WDR70: variants seen among roughly 807,000 people sequenced by gnomAD.
WDR70 encodes the protein WD repeat domain 70.
Under a neutral mutation model 88.6 loss-of-function variants are expected in WDR70, and 53 were observed. The observed-to-expected ratio is 0.60, with a 90% CI of 0.48 to 0.75. The LOEUF (loss-of-function observed/expected upper bound fraction) is 0.75, where lower values mean the gene tolerates loss of function less well. WDR70 is among the 30% of genes least tolerant of loss of function. The probability of loss-of-function intolerance (pLI) is 0.00; values close to 1 mark genes in which losing one functional copy is unlikely to be tolerated. For synonymous variants in WDR70, 280 were observed against 270.0 expected, an observed-to-expected ratio of 1.04 and a Z score of -0.36; for missense variants, 610 against 823.2, an observed-to-expected ratio of 0.74 and a Z score of 3.17.
intron 7 of WDR70, among the ~76,000 whole-genome samples, chr5:37,475,604 A>G (rs1163562701): frequency 6.6e-6 from 1 of 152,144 alleles, no homozygotes. Flanking sequence ...TATTTTAGTA[A>G]GTCTTTGTGA....
chr5:37,593,809 CTGT>C (rs1743612378), intron 9 of WDR70, among the ~76,000 whole-genome samples: 1 of 152,222 alleles, frequency 6.6e-6, no homozygotes, highest in Non-Finnish European at 1.5e-5. Flanking sequence ...TCTCCAGCAT[CTGT>C]TGTTTCCTGA....
At chr5:37,439,576 T>G (rs1750587863) in intron 6 of WDR70, among the ~76,000 whole-genome samples, 2 of 151,646 alleles carry the variant, frequency 1.3e-5, no homozygotes, top group Non-Finnish European at 1.5e-5. Flanking sequence ...CAGTATGTTT[T>G]ACACATTGAA....
chr5:37,489,721 G>A (rs1257472169), intron 8 of WDR70, among the ~76,000 whole-genome samples: 1 of 152,034 alleles, frequency 6.6e-6, no homozygotes, highest in Non-Finnish European at 1.5e-5. Flanking sequence ...GTGTGGTAGG[G>A]CACTTGGTTG....
rs117138234 is a variant in WDR70, at chr5:37,395,577, G to A, written c.297-798G>A. Among the ~76,000 whole-genome samples the A allele has an allele frequency of 3.2e-4, 48 of 152,244 alleles. 1 individual carries two copies. The East Asian group carries it at 7.5e-3, about 24-fold the overall frequency. On this transcript the variant is annotated intron_variant, in intron 4 of 17. Transcript: ENST00000265107. ...GCAATGTAGGAAACTTGGATTAGCC[G>A]TTAGAAATAACTTGTATTTCAGAAA...
intron 9 of WDR70, among the ~76,000 whole-genome samples, chr5:37,598,747 A>G (rs1211270178): frequency 6.6e-6 from 1 of 152,246 alleles, no homozygotes; most frequent in Non-Finnish European, 1.5e-5. Context: ...TTTATGCTGA[A>G]GAACACATAT....
At chr5:37,476,231 T>A (rs1389452510) in intron 7 of WDR70, among the ~76,000 whole-genome samples, 2 of 152,206 alleles carry the variant, frequency 1.3e-5, no homozygotes, top group Non-Finnish European at 2.9e-5. Context: ...TAGTCGTTAG[T>A]CTAAAGATTA....
intron 7 of WDR70, among the ~76,000 whole-genome samples, chr5:37,477,861 T>C (rs189635235): frequency 1.6e-4 from 24 of 152,302 alleles, no homozygotes; most frequent in African/African-American, 5.5e-4. Context: ...CTCACCTGAT[T>C]GAGTTAATGT....
chr5:37,747,038 C>T (rs749453714), intron 17 of WDR70, among the ~76,000 whole-genome samples: 2 of 152,086 alleles, frequency 1.3e-5, no homozygotes, highest in African/African-American at 2.4e-5. Context: ...ACTGCCAAAC[C>T]GAACCCAGCA....
Position 37,611,781 on chromosome 5 carries a change from CTTT to C in WDR70, c.1092+6556_1092+6558del, listed in dbSNP as rs66689730. Among the ~76,000 whole-genome samples, 587 of 126,832 alleles carry C rather than the reference CTTT, an allele frequency of 4.6e-3. 8 individuals are homozygous for C. The highest frequency in any genetic ancestry group is 0.013 in the African/African-American group (474 of 35,648). 83.2% of individuals were successfully genotyped at this position (126,832 alleles called of 152,430 possible). The stretch of plus-strand genomic sequence containing the variant: ...CCTTTGAGATTATTTTGATTTCAGC[CTTT>C]TTTTTTTTTTTTAAAAAAAAACTTC... On this transcript the variant is annotated intron_variant, in intron 10 of 17. Transcript: ENST00000265107.
intron 10 of WDR70, among the ~76,000 whole-genome samples, chr5:37,670,843 T>C (rs893780577): frequency 5.3e-5 from 8 of 152,230 alleles, no homozygotes; most frequent in Non-Finnish European, 7.3e-5. Context: ...GTCTTTATTT[T>C]GTTCACTGCT....
At chr5:37,417,698 C>T (rs1265100893) in intron 5 of WDR70, among the ~76,000 whole-genome samples, 3 of 152,190 alleles carry the variant, frequency 2.0e-5, no homozygotes, top group African/African-American at 4.8e-5. Context: ...ACCCCCATGC[C>T]GAGCTAATTA....
At chr5:37,736,828 A>G (rs1748319334) in intron 17 of WDR70, among the ~76,000 whole-genome samples, 2 of 152,026 alleles carry the variant, frequency 1.3e-5, no homozygotes, top group Non-Finnish European at 1.5e-5. Flanking sequence ...AATAGTACAA[A>G]AGTAATTATG....
intron 8 of WDR70, among the ~76,000 whole-genome samples, chr5:37,497,401 C>G (rs1325946053): frequency 2.6e-5 from 2 of 78,258 alleles, no homozygotes; most frequent in Non-Finnish European, 3.0e-5. Flanking sequence ...CCTCCCTTTC[C>G]TTCCCCTCCC....
At chr5:37,487,341 T>C (rs958071600) in intron 8 of WDR70, among the ~76,000 whole-genome samples, 1 of 152,000 alleles carries the variant, frequency 6.6e-6, no homozygotes, top group African/African-American at 2.4e-5. Context: ...TTGAAAGTAG[T>C]AGATTTCATA....
chr5:37,673,304 G>A (rs994705520), intron 10 of WDR70, among the ~76,000 whole-genome samples: 2 of 152,080 alleles, frequency 1.3e-5, no homozygotes, highest in Non-Finnish European at 2.9e-5. Flanking sequence ...GTCTACTATT[G>A]ATGAGCTTTT....
intron 9 of WDR70, among the ~76,000 whole-genome samples, chr5:37,598,636 T>C (rs2112463284): frequency 6.6e-6 from 1 of 152,354 alleles, no homozygotes; most frequent in South Asian, 2.1e-4. Flanking sequence ...CAGCATCTGA[T>C]AGTGACCAAT....
chr5:37,551,770 T>G (rs1470264802), intron 9 of WDR70, among the ~76,000 whole-genome samples: 796 of 26,962 alleles, frequency 0.03, 15 homozygotes, highest in South Asian at 0.046. Flanking sequence ...ATTGTTTAGT[T>G]TTTTTTTTTT....
intron 10 of WDR70, among the ~76,000 whole-genome samples, chr5:37,689,602 A>G (rs535974460): frequency 2.7e-4 from 41 of 152,354 alleles, no homozygotes; most frequent in Non-Finnish European, 5.6e-4. Flanking sequence ...ACTCCAACAG[A>G]CCTGCAGCTG....
intron 7 of WDR70, among the ~76,000 whole-genome samples, chr5:37,472,725 C>T (rs1255680752): frequency 6.6e-6 from 1 of 152,012 alleles, no homozygotes; most frequent in African/African-American, 2.4e-5. Context: ...TCTCAAACTC[C>T]TGGCCTCAAG....
Sources: allele counts gnomAD v4.1 joint callset (sites outside exome capture counted in the v4.1 genomes callset), GRCh38; gene constraint gnomAD v4.1.1; transcripts MANE v1.5; gene names NCBI Gene and HGNC (gene_info 2026-07-23, HGNC 2026-07-21).